Variants in VPS13C observed in about 807,000 individuals in gnomAD.
The protein encoded by VPS13C is intermembrane lipid transfer protein VPS13C.
A neutral mutation model predicts 456.8 loss-of-function variants in VPS13C; 358 were observed. The ratio of observed to expected loss-of-function variants is 0.78; its 90% CI spans 0.72 to 0.86. VPS13C has a LOEUF of 0.86. Ranked by LOEUF, VPS13C falls within the 40% of genes least tolerant of loss-of-function variation. VPS13C has a pLI of 0.00. For synonymous variants in VPS13C, 1,578 were observed against 1,486.7 expected (o/e 1.06, Z -1.41); for missense variants, 4,818 against 4,385.4 (o/e 1.10, Z -2.79).
At chr15:61,876,423 CA>C (rs544326092) in intron 75 of VPS13C, among the ~76,000 whole-genome samples, 231 of 149,720 alleles carry the variant, frequency 1.5e-3, no homozygotes, top group Non-Finnish European at 2.4e-3. Flanking sequence ...ATAACCAAAA[CA>C]AAAAAAAGGG....
intron 53 of VPS13C, 92 bp from the exon 54 acceptor site, chr15:61,922,854 A>G: frequency 1.0e-6 from 1 of 974,302 alleles, no homozygotes; most frequent in Non-Finnish European, 1.4e-6. Context: ...TACATTAATT[A>G]TAAGTGACAT....
intron 55 of VPS13C, 44 bp downstream of exon 55, chr15:61,921,903 T>C: frequency 6.4e-7 from 1 of 1,570,318 alleles, no homozygotes. Flanking sequence ...TGAATGAATA[T>C]GCATAGTATC....
Position 61,909,064 on chromosome 15 carries a change from T to C in VPS13C, c.8906A>G (p.Asp2969Gly). 1.2e-6 allele frequency: 2 copies of C among 1,613,800 alleles called. No homozygotes were observed. Among genetic ancestry groups the C allele is most frequent in the Non-Finnish European group, 1.7e-6 (2 of 1,179,964 alleles). The stretch of plus-strand genomic sequence containing the variant: ...GGCAGGTGCAGATCCCTCATGGTAA[T>C]CAGAAAAAGTTATGACAGTTGAATG... ...AEHSTVITFS[D>G]YHEGSAPALI... The change falls in exon 65 of 85, where the codon GAT becomes GGT. Residue 2969 changes from aspartate (D) to glycine (G), a missense_variant. This residue lies in a region of VPS13C where 4,552 missense variants were observed against 4,130.6 expected (regional missense o/e 1.10). Transcript: ENST00000644861.
chr15:61,995,517 T>C (rs975000823), intron 16 of VPS13C, among the ~76,000 whole-genome samples: 16 of 152,244 alleles, frequency 1.1e-4, no homozygotes, highest in African/African-American at 3.9e-4. Flanking sequence ...GTATGTTATA[T>C]ACACAAGACT....
At chr15:61,873,438 A>C (rs780118316) in intron 77 of VPS13C, 29 bp from the exon 78 acceptor site, 1 of 1,608,872 alleles carries the variant, frequency 6.2e-7, no homozygotes, top group South Asian at 1.1e-5. Context: ...TAATTTCTAG[A>C]ATATACAAGG....
chr15:61,947,861 A>T (rs751374493), intron 42 of VPS13C, among the ~76,000 whole-genome samples: 1 of 152,220 alleles, frequency 6.6e-6, no homozygotes, highest in Non-Finnish European at 1.5e-5. Flanking sequence ...TAAAGGGCCA[A>T]CTTAAAAAAT....
chr15:61,945,847 G>T lies in VPS13C; in HGVS notation c.5016C>A (p.Phe1672Leu). 3 of 1,611,460 alleles carry T rather than the reference G, an allele frequency of 1.9e-6. No homozygotes were observed. The highest frequency in any genetic ancestry group is 2.5e-6 in the Non-Finnish European group (3 of 1,179,276). The change falls in exon 45 of 85, where the codon TTC becomes TTA. Residue 1672 changes from phenylalanine (F) to leucine (L), a missense_variant. Physicochemically the swap from Phe to Leu is conservative, Grantham distance 22 (BLOSUM62 0). Coordinates refer to ENST00000644861, the MANE Select transcript of VPS13C (RefSeq NM_020821.3). ...TGGCATCTGGATAAAGAGTCAGTTG[G>T]AACCTAAAGACTTCATCTCCCAAAA... ...VSILGDEVFR[F>L]QLTLYPDATE...
intron 51 of VPS13C, among the ~76,000 whole-genome samples, chr15:61,928,646 G>C (rs891603082): frequency 6.6e-6 from 1 of 152,148 alleles, no homozygotes; most frequent in Non-Finnish European, 1.5e-5. Flanking sequence ...TGGGGAGGCA[G>C]AGGCGGGCGG....
At chr15:61,960,075 G>A (rs1037910529) in intron 35 of VPS13C, among the ~76,000 whole-genome samples, 38 of 152,064 alleles carry the variant, frequency 2.5e-4, no homozygotes, top group Admixed American at 1.3e-4. Flanking sequence ...TTCATGGATG[G>A]GGTAGAAAAT....
intron 66 of VPS13C, among the ~76,000 whole-genome samples, chr15:61,903,131 G>T (rs1347854980): frequency 6.6e-6 from 1 of 151,952 alleles, no homozygotes; most frequent in African/African-American, 2.4e-5. Flanking sequence ...TTTGAGACCA[G>T]CCTGGGCAAC....
chr15:61,869,885 G>A (rs1894882288), intron 79 of VPS13C, among the ~76,000 whole-genome samples: 2 of 152,258 alleles, frequency 1.3e-5, no homozygotes, highest in South Asian at 4.2e-4. Flanking sequence ...GTTTTTCTAA[G>A]CACTCCAGGT....
chr15:61,998,055 C>G (rs1020312472), intron 16 of VPS13C, among the ~76,000 whole-genome samples: 2 of 152,178 alleles, frequency 1.3e-5, no homozygotes, highest in African/African-American at 4.8e-5. Context: ...ACTTCTCTGA[C>G]CTCATCAACC....
At chr15:62,005,395 T>C (rs1456951949) in intron 15 of VPS13C, among the ~76,000 whole-genome samples, 1 of 152,232 alleles carries the variant, frequency 6.6e-6, no homozygotes, top group Non-Finnish European at 1.5e-5. Flanking sequence ...TCCTTTTATT[T>C]TGAGCCTATT....
chr15:62,025,612 T>C (rs1005793864), intron 6 of VPS13C, among the ~76,000 whole-genome samples: 1 of 152,126 alleles, frequency 6.6e-6, no homozygotes, highest in Non-Finnish European at 1.5e-5. Flanking sequence ...TCTAGCACCA[T>C]GTTCTGTCTT....
chr15:62,018,004 C>T (rs2047319830), intron 9 of VPS13C, among the ~76,000 whole-genome samples: 1 of 152,184 alleles, frequency 6.6e-6, no homozygotes, highest in Non-Finnish European at 1.5e-5. Flanking sequence ...TCCTTCACGT[C>T]CCTTGTAAGT....
Position 61,929,720 on chromosome 15 carries a change from T to C in VPS13C, c.6067A>G (p.Asn2023Asp). Reference protein sequence around the residue: ...RMIDRKNDQDNNSSMIDISYK... With the variant: ...RMIDRKNDQDDNSSMIDISYK... ...CTTATATCAATCATAGAACTGTTGT[T>C]ATCTTGGTCATTCTTTCTGTCAATC... The change falls in exon 51 of 85, where the codon AAC (asparagine) becomes GAC (aspartate). Residue 2023 changes from asparagine (N) to aspartate (D), a missense_variant. This residue lies in a region of VPS13C where 4,552 missense variants were observed against 4,130.6 expected (regional missense o/e 1.10). Coordinates refer to ENST00000644861, the MANE Select transcript of VPS13C (RefSeq NM_020821.3). 1 of 1,613,046 alleles carries C rather than the reference T, an allele frequency of 6.2e-7. No homozygotes were observed. Among genetic ancestry groups the C allele is most frequent in the East Asian group, 2.2e-5 (1 of 44,852 alleles).
At position 61,991,099 on chromosome 15, in the gene VPS13C, G is replaced by A; in HGVS notation, c.1484-5C>T. The A allele has an allele frequency of 6.3e-7, 1 of 1,578,984 alleles. No individual in the cohort carries two copies. Among genetic ancestry groups the A allele is most frequent in the Non-Finnish European group, 8.6e-7 (1 of 1,164,972 alleles). On this transcript the variant is annotated splice_region_variant and splice_polypyrimidine_tract_variant and intron_variant, in intron 17 of 84. Coordinates refer to ENST00000644861, the MANE Select transcript of VPS13C (RefSeq NM_020821.3). Reference sequence around the variant, plus strand: ...GAGTCATAAGGTCATCAATAGCTATGAAAAAACAACATTTTAAGAAATTAA... The same window carrying A: ...GAGTCATAAGGTCATCAATAGCTATAAAAAAACAACATTTTAAGAAATTAA...
chr15:61,904,158 C>G (rs541723448), intron 66 of VPS13C, among the ~76,000 whole-genome samples: 12 of 151,956 alleles, frequency 7.9e-5, no homozygotes, highest in African/African-American at 2.7e-4. Context: ...AAAGGCTTCA[C>G]GGCAAAGGAA....
chr15:61,865,749 T>G, intron 81 of VPS13C: 1 of 581,296 alleles, frequency 1.7e-6, no homozygotes, highest in Non-Finnish European at 2.2e-6. Context: ...TATATCTGTA[T>G]GTGTACATAT....
Sources: allele counts gnomAD v4.1 joint callset (sites outside exome capture counted in the v4.1 genomes callset), GRCh38; gene constraint gnomAD v4.1.1; regional missense constraint gnomAD v4.1.1; transcripts MANE v1.5; gene names NCBI Gene and HGNC (gene_info 2026-07-23, HGNC 2026-07-21).